KLHL29: variants seen among roughly 807,000 people sequenced by gnomAD.
KLHL29 encodes kelch like family member 29.
In KLHL29, 21 loss-of-function variants were observed where a neutral mutation model predicts 80.4. The ratio of observed to expected loss-of-function variants is 0.26; its 90% CI spans 0.19 to 0.38. The LOEUF is 0.38. KLHL29 is among the 10% of genes least tolerant of loss of function. KLHL29 has a pLI of 1.00. For synonymous variants in KLHL29, 511 were observed against 526.8 expected (o/e 0.97, Z 0.41); for missense variants, 867 against 1,223.9 (o/e 0.71, Z 4.35).
At chr2:23,405,431 T>G (rs1012868896) in intron 1 of KLHL29, among the ~76,000 whole-genome samples, 1 of 152,244 alleles carries the variant, frequency 6.6e-6, no homozygotes, top group African/African-American at 2.4e-5. Context: ...GTAGGAAAGA[T>G]GTAATCCCTG....
intron 12 of KLHL29, among the ~76,000 whole-genome samples, 158 bp from the exon 13 acceptor site, chr2:23,703,561 G>A (rs1380494846): frequency 6.6e-6 from 1 of 152,228 alleles, no homozygotes; most frequent in Non-Finnish European, 1.5e-5. Flanking sequence ...GTGAGTCAAG[G>A]CTCCAGGTTC....
intron 1 of KLHL29, among the ~76,000 whole-genome samples, chr2:23,411,379 T>TTGTGTGTGTGTGTGTGTG (rs56103621): frequency 1.0e-4 from 11 of 108,944 alleles, no homozygotes; most frequent in African/African-American, 4.2e-4. Context: ...GTTGCAAAAA[T>TTGTGTGTGTGTGTGTGTG]TGTGTGTGTG....
intron 2 of KLHL29, among the ~76,000 whole-genome samples, chr2:23,476,642 A>G (rs1034902807): frequency 6.6e-6 from 1 of 152,228 alleles, no homozygotes; most frequent in African/African-American, 2.4e-5. Flanking sequence ...TGCCCTAACG[A>G]TGGACATTTA....
intron 2 of KLHL29, among the ~76,000 whole-genome samples, chr2:23,537,910 T>C (rs1056560957): frequency 6.6e-6 from 1 of 152,196 alleles, no homozygotes; most frequent in Admixed American, 6.5e-5. Context: ...ACAGCCTTCA[T>C]GACAGTAGGA....
intron 2 of KLHL29, among the ~76,000 whole-genome samples, chr2:23,555,153 C>G (rs901628750): frequency 6.6e-6 from 1 of 151,850 alleles, no homozygotes; most frequent in African/African-American, 2.4e-5. Flanking sequence ...CTCCCAGTGT[C>G]CCTGAGTGAG....
At chr2:23,489,666 G>T (rs1022869836) in intron 2 of KLHL29, among the ~76,000 whole-genome samples, 4 of 151,930 alleles carry the variant, frequency 2.6e-5, no homozygotes, top group African/African-American at 9.7e-5. Flanking sequence ...GCATGGTGGT[G>T]GCAAGGCCCT....
rs1663139041 is a variant in KLHL29 at position 23,430,457 on chromosome 2, T to C, written c.-154+44677T>C. On this transcript the variant is annotated intron_variant, in intron 1 of 13. Transcript: ENST00000486442. ...GTTCTAAAAGGAATCTATTGCTTGT[T>C]TGATGCTTTGGAATTCACAAACCTG... 2.6e-5 allele frequency among the ~76,000 whole-genome samples: 4 copies of C among 152,328 alleles called. No homozygotes were observed. In the South Asian group the frequency reaches 8.3e-4, roughly 32 times the overall value.
rs576337673 is a variant in KLHL29, at chr2:23,706,848, G to A, written c.*184G>A. 5 of 525,092 alleles carry A rather than the reference G, an allele frequency of 9.5e-6. No homozygotes were observed. Among genetic ancestry groups the A allele is most frequent in the East Asian group, 3.4e-5 (1 of 29,048 alleles). The allele number at this position is 525,092 out of a possible 1,614,324, so 32.5% of individuals were successfully genotyped here. ...AATCATCCTCGCCTTTGGATGAAACGGAGGCACCGCGCTTGGAGCCGCAGG... is the reference window on the plus strand; with the variant it reads ...AATCATCCTCGCCTTTGGATGAAACAGAGGCACCGCGCTTGGAGCCGCAGG... On this transcript the variant is annotated 3_prime_UTR_variant, in exon 14 of 14. Transcript: ENST00000486442.
At chr2:23,668,347 T>C (rs1272558172) in intron 5 of KLHL29, 2 of 152,310 alleles carry the variant, frequency 1.3e-5, no homozygotes, top group Non-Finnish European at 2.9e-5. Flanking sequence ...ACTAGTCAGA[T>C]GCAGGCTCTG....
chr2:23,593,247 A>G (rs567606104), intron 3 of KLHL29, among the ~76,000 whole-genome samples: 3 of 152,340 alleles, frequency 2.0e-5, no homozygotes, highest in African/African-American at 4.8e-5. Context: ...CTGAGGCTCA[A>G]AAATGAAGAA....
At chr2:23,495,372 AC>A (rs1665232327) in intron 2 of KLHL29, among the ~76,000 whole-genome samples, 1 of 152,116 alleles carries the variant, frequency 6.6e-6, no homozygotes, top group Non-Finnish European at 1.5e-5. Flanking sequence ...CATTGCCCCT[AC>A]CTGGCTCTGG....
At chr2:23,548,255 A>T (rs911993638) in intron 2 of KLHL29, among the ~76,000 whole-genome samples, 9 of 152,060 alleles carry the variant, frequency 5.9e-5, no homozygotes, top group African/African-American at 2.2e-4. Flanking sequence ...CCCTGTGAAC[A>T]CACACAGGCA....
At chr2:23,420,372 G>A (rs1662764455) in intron 1 of KLHL29, among the ~76,000 whole-genome samples, 1 of 152,142 alleles carries the variant, frequency 6.6e-6, no homozygotes. Context: ...GAGCTAAAGG[G>A]TCAGAGACTC....
chr2:23,702,802 G>C (rs917520606), intron 11 of KLHL29, among the ~76,000 whole-genome samples: 1 of 152,230 alleles, frequency 6.6e-6, no homozygotes, highest in Admixed American at 6.5e-5. Context: ...CATCCAGCAC[G>C]TTTCTCCAGT....
intron 2 of KLHL29, among the ~76,000 whole-genome samples, chr2:23,494,553 A>T (rs1665200792): frequency 2.6e-5 from 4 of 152,188 alleles, no homozygotes; most frequent in Admixed American, 2.6e-4. Context: ...CTTTGTCGTG[A>T]ATATCCATCA....
intron 12 of KLHL29, 148 bp from the exon 13 acceptor site, chr2:23,703,571 C>A: frequency 8.9e-7 from 1 of 1,121,406 alleles, no homozygotes; most frequent in Non-Finnish European, 1.2e-6. Context: ...GCTCCAGGTT[C>A]CCCTAGGCCC....
intron 3 of KLHL29, among the ~76,000 whole-genome samples, chr2:23,573,034 G>A (rs940131329): frequency 1.4e-4 from 20 of 146,780 alleles, no homozygotes; most frequent in Non-Finnish European, 8.9e-5. Context: ...TGATGAAGAC[G>A]TAACCCCGTG....
At chr2:23,685,691 A>G (rs1671224542) in intron 6 of KLHL29, among the ~76,000 whole-genome samples, 1 of 152,106 alleles carries the variant, frequency 6.6e-6, no homozygotes, top group Non-Finnish European at 1.5e-5. Flanking sequence ...TGGACACCTC[A>G]GGTCTCCTGC....
chr2:23,683,295 C>T (rs903351026), intron 5 of KLHL29, among the ~76,000 whole-genome samples: 5 of 152,200 alleles, frequency 3.3e-5, no homozygotes, highest in African/African-American at 1.2e-4. Flanking sequence ...AATCGCCTGG[C>T]CTGAAGACAG....
Sources: gnomAD v4.1 joint callset for allele counts (sites outside exome capture counted in the v4.1 genomes callset) on GRCh38, gnomAD v4.1.1 for gene constraint, MANE v1.5 for transcripts, NCBI Gene and HGNC (gene_info 2026-07-23, HGNC 2026-07-21) for gene names.